MACROD2: variants seen among roughly 807,000 people sequenced by gnomAD.
MACROD2 encodes ADP-ribose glycohydrolase MACROD2.
Under a neutral mutation model 70.4 loss-of-function variants are expected in MACROD2, and 36 were observed. That is an observed-to-expected ratio of 0.51 (90% CI 0.39 to 0.68). The LOEUF (loss-of-function observed/expected upper bound fraction) is 0.68, where lower values mean the gene tolerates loss of function less well. Ranked by LOEUF, MACROD2 falls within the 30% of genes least tolerant of loss-of-function variation. The pLI is 0.00. For missense variants in MACROD2, 496 were observed against 538.4 expected (o/e 0.92, Z 0.78); for synonymous variants, 172 against 178.8 (o/e 0.96, Z 0.30).
chr20:15,906,306 G>T (rs1438479796), intron 10 of MACROD2, among the ~76,000 whole-genome samples: 1 of 152,132 alleles, frequency 6.6e-6, no homozygotes, highest in Non-Finnish European at 1.5e-5. Flanking sequence ...TGCATCTTTG[G>T]AGCACCATTT....
chr20:15,926,040 G>C (rs2065484767), intron 10 of MACROD2, among the ~76,000 whole-genome samples: 1 of 152,184 alleles, frequency 6.6e-6, no homozygotes, highest in Admixed American at 6.5e-5. Context: ...TTCCCAGAAG[G>C]CTGTAAGTCA....
chr20:14,467,391 A>T (rs1021212380), intron 3 of MACROD2, among the ~76,000 whole-genome samples: 12 of 152,114 alleles, frequency 7.9e-5, no homozygotes, highest in African/African-American at 2.9e-4. Flanking sequence ...GGAAAAGCGC[A>T]GTATTAAGGT....
chr20:15,451,494 T>C (rs1421011281), intron 7 of MACROD2, among the ~76,000 whole-genome samples: 1 of 146,834 alleles, frequency 6.8e-6, no homozygotes, highest in Non-Finnish European at 1.5e-5. Context: ...GAGAATGGGC[T>C]CTCTCCCTCT....
chr20:15,352,276 T>C (rs771014880), intron 6 of MACROD2, among the ~76,000 whole-genome samples: 1 of 152,140 alleles, frequency 6.6e-6, no homozygotes, highest in Non-Finnish European at 1.5e-5. Flanking sequence ...CTCTGTCTCT[T>C]CCAAACACCC....
At chr20:15,980,672 T>C (rs1375827544) in intron 13 of MACROD2, among the ~76,000 whole-genome samples, 1 of 152,220 alleles carries the variant, frequency 6.6e-6, no homozygotes, top group Non-Finnish European at 1.5e-5. Flanking sequence ...GTGTCAGTTT[T>C]GTCATATTTT....
chr20:14,901,276 A>G (rs1468981071), intron 5 of MACROD2, among the ~76,000 whole-genome samples: 1 of 152,102 alleles, frequency 6.6e-6, no homozygotes, highest in African/African-American at 2.4e-5. Flanking sequence ...AATCTTTACA[A>G]ATTAAAAGCT....
intron 4 of MACROD2, among the ~76,000 whole-genome samples, chr20:14,591,786 T>C (rs1348969143): frequency 1.3e-5 from 2 of 152,194 alleles, no homozygotes; most frequent in Non-Finnish European, 2.9e-5. Context: ...TTCGCTGTAA[T>C]AGTCAAACAA....
chr20:15,358,457 G>GT (rs1385161212), intron 6 of MACROD2, among the ~76,000 whole-genome samples: 2 of 151,202 alleles, frequency 1.3e-5, no homozygotes, highest in African/African-American at 4.9e-5. Flanking sequence ...TTTTTTTTAA[G>GT]TTTTTAACGT....
At chr20:15,704,924 C>G (rs1439892207) in intron 8 of MACROD2, among the ~76,000 whole-genome samples, 2 of 152,014 alleles carry the variant, frequency 1.3e-5, no homozygotes, top group Non-Finnish European at 2.9e-5. Flanking sequence ...ATTATAGGCC[C>G]CTTTAGGATT....
At chr20:15,932,282 A>C (rs1293610363) in intron 10 of MACROD2, among the ~76,000 whole-genome samples, 1 of 152,072 alleles carries the variant, frequency 6.6e-6, no homozygotes, top group Admixed American at 6.6e-5. Flanking sequence ...TTGGCTTCCC[A>C]GGGGGAGAAA....
intron 5 of MACROD2, chr20:14,905,046 A>G (rs906577656): frequency 6.6e-6 from 1 of 152,144 alleles, no homozygotes; most frequent in Non-Finnish European, 1.5e-5. Flanking sequence ...AAAAATTACT[A>G]AAGCAGCTTT....
intron 4 of MACROD2, among the ~76,000 whole-genome samples, chr20:14,584,507 T>A (rs1185838731): frequency 1.3e-5 from 2 of 152,158 alleles, no homozygotes; most frequent in African/African-American, 2.4e-5. Context: ...ATCTTCTTTT[T>A]GTATTCTTGC....
At chr20:15,556,371 A>G (rs1409290047) in intron 8 of MACROD2, among the ~76,000 whole-genome samples, 1 of 152,198 alleles carries the variant, frequency 6.6e-6, no homozygotes, top group Non-Finnish European at 1.5e-5. Flanking sequence ...CTTGATTTAT[A>G]CTAAGACATC....
intron 5 of MACROD2, among the ~76,000 whole-genome samples, chr20:15,146,308 C>A (rs420216): frequency 2.0e-5 from 3 of 151,838 alleles, no homozygotes; most frequent in Admixed American, 2.0e-4. Context: ...TTGCATCATA[C>A]GGAGTATCTG....
chr20:14,084,229 T>C (rs2054046566), intron 2 of MACROD2, among the ~76,000 whole-genome samples: 1 of 151,816 alleles, frequency 6.6e-6, no homozygotes, highest in African/African-American at 2.4e-5. Flanking sequence ...CCAAAGACAA[T>C]TTAGGTGACT....
At position 14,058,705 on chromosome 20, in the gene MACROD2, G is replaced by A. The variant is rs1437527738; in HGVS notation, c.164-26916G>A. Among the ~76,000 whole-genome samples, 15 of 147,636 alleles carry A rather than the reference G, an allele frequency of 1.0e-4. No homozygotes were observed. In the South Asian group the frequency reaches 1.5e-3, roughly 15 times the overall value. On this transcript the variant is annotated intron_variant, in intron 2 of 17. Coordinates refer to ENST00000684519, the MANE Select transcript of MACROD2 (RefSeq NM_001351661.2). Reference sequence around the variant, plus strand: ...TGTCACCAGGCTGGAGTGCAGTGGCGTGATCTCGGCTCACTGCAACCTCTG... The same window carrying A: ...TGTCACCAGGCTGGAGTGCAGTGGCATGATCTCGGCTCACTGCAACCTCTG...
At chr20:14,093,464 A>G (rs988672116) in intron 3 of MACROD2, among the ~76,000 whole-genome samples, 1 of 152,140 alleles carries the variant, frequency 6.6e-6, no homozygotes, top group Non-Finnish European at 1.5e-5. Flanking sequence ...GATTGTCTAT[A>G]CGTGATGTTC....
At chr20:14,026,866 G>C (rs941593043) in intron 2 of MACROD2, among the ~76,000 whole-genome samples, 1 of 152,188 alleles carries the variant, frequency 6.6e-6, no homozygotes, top group Non-Finnish European at 1.5e-5. Context: ...GCGGCTGTGA[G>C]TGCAGCTTTA....
chr20:15,096,571 G>C (rs2075834267), intron 5 of MACROD2, among the ~76,000 whole-genome samples: 1 of 149,654 alleles, frequency 6.7e-6, no homozygotes, highest in African/African-American at 2.5e-5. Context: ...GAGTACAGTG[G>C]CGTGATCTTG....
Sources: gnomAD v4.1 joint callset for allele counts (sites outside exome capture counted in the v4.1 genomes callset) on GRCh38, gnomAD v4.1.1 for gene constraint, MANE v1.5 for transcripts, NCBI Gene and HGNC (gene_info 2026-07-23, HGNC 2026-07-21) for gene names.